The following BBS9 variants were observed in gnomAD, a reference collection of about 807,000 sequenced individuals.
BBS9 encodes the protein Bardet-Biedl syndrome 9.
BBS9 carries 89 observed loss-of-function variants against 117.7 expected under a neutral mutation model. The observed-to-expected ratio is 0.76, with a 90% CI of 0.64 to 0.90. The LOEUF is 0.90. BBS9 is among the 40% of genes least tolerant of loss of function. The probability of loss-of-function intolerance (pLI) is 0.00; values close to 1 mark genes in which losing one functional copy is unlikely to be tolerated. For missense variants in BBS9, 982 were observed against 1,042.2 expected, an observed-to-expected ratio of 0.94 and a Z score of 0.80; for synonymous variants, 379 against 370.9, an observed-to-expected ratio of 1.02 and a Z score of -0.25.
At chr7:33,239,850 T>C (rs1794178221) in intron 5 of BBS9, among the ~76,000 whole-genome samples, 1 of 151,872 alleles carries the variant, frequency 6.6e-6, no homozygotes, top group South Asian at 2.1e-4. Flanking sequence ...TAAAAAAATA[T>C]AAAAAATTAG....
intron 3 of BBS9, among the ~76,000 whole-genome samples, chr7:33,153,773 G>C (rs985838540): frequency 5.3e-5 from 8 of 152,148 alleles, no homozygotes; most frequent in Admixed American, 5.2e-4. Flanking sequence ...TATGAGATGA[G>C]ACTTTTATGC....
intron 5 of BBS9, among the ~76,000 whole-genome samples, chr7:33,193,420 GC>G (rs370331780): frequency 0.52 from 61,694 of 119,356 alleles, 15,632 homozygotes; most frequent in Admixed American, 0.6. Context: ...CCCTCTCTCT[GC>G]CTTTTTTTTT....
intron 21 of BBS9, among the ~76,000 whole-genome samples, chr7:33,591,584 T>C (rs1291426060): frequency 1.3e-5 from 2 of 152,068 alleles, no homozygotes; most frequent in Non-Finnish European, 2.9e-5. Context: ...TGGTGTTTGC[T>C]TCCTTCAAGG....
intron 5 of BBS9, among the ~76,000 whole-genome samples, chr7:33,207,192 G>C (rs544585076): frequency 1.1e-4 from 16 of 152,068 alleles, no homozygotes; most frequent in Non-Finnish European, 2.2e-4. Flanking sequence ...CAACTAATAA[G>C]GAAATGTAAA....
At chr7:33,219,203 G>A (rs1042786598) in intron 5 of BBS9, among the ~76,000 whole-genome samples, 1 of 152,228 alleles carries the variant, frequency 6.6e-6, no homozygotes, top group African/African-American at 2.4e-5. Flanking sequence ...GGCCTTAGCT[G>A]CCTTCCCGTG....
chr7:33,415,756 A>G (rs142212573), intron 19 of BBS9, among the ~76,000 whole-genome samples: 8 of 152,296 alleles, frequency 5.3e-5, no homozygotes, highest in African/African-American at 1.9e-4. Flanking sequence ...TAGGAACAGC[A>G]TAGGAATAAG....
At chr7:33,372,689 C>A (rs963134140) in intron 17 of BBS9, among the ~76,000 whole-genome samples, 1 of 152,066 alleles carries the variant, frequency 6.6e-6, no homozygotes, top group Non-Finnish European at 1.5e-5. Context: ...TGAAAGTATT[C>A]CATTCTCTTT....
intron 9 of BBS9, among the ~76,000 whole-genome samples, chr7:33,331,331 T>C (rs2128611169): frequency 6.6e-6 from 1 of 152,250 alleles, no homozygotes; most frequent in South Asian, 2.1e-4. Context: ...TGGGGAAAAG[T>C]TGAAATCATT....
intron 20 of BBS9, among the ~76,000 whole-genome samples, chr7:33,506,030 G>A (rs971677988): frequency 6.6e-6 from 1 of 152,152 alleles, no homozygotes; most frequent in Non-Finnish European, 1.5e-5. Context: ...TTAAATTTAA[G>A]TGTCACTTCA....
At chr7:33,446,416 G>T (rs999528020) in intron 19 of BBS9, among the ~76,000 whole-genome samples, 2 of 151,668 alleles carry the variant, frequency 1.3e-5, no homozygotes, top group Non-Finnish European at 2.9e-5. Flanking sequence ...TGTTAAATCT[G>T]TTTTTTTTGA....
At chr7:33,336,161 G>C (rs957195101) in intron 9 of BBS9, among the ~76,000 whole-genome samples, 11 of 152,292 alleles carry the variant, frequency 7.2e-5, no homozygotes, top group Non-Finnish European at 2.9e-5. Flanking sequence ...AATGCTCTTA[G>C]AGCAGGATTT....
chr7:33,388,284 G>GTT (rs1225513244), intron 19 of BBS9, 140 bp downstream of exon 19: 3 of 1,075,642 alleles, frequency 2.8e-6, no homozygotes, highest in Non-Finnish European at 4.0e-6. Context: ...AAGCTTTAGA[G>GTT]TCAGAAAAAC....
At chr7:33,591,861 C>T (rs1034749779) in intron 21 of BBS9, among the ~76,000 whole-genome samples, 6 of 149,986 alleles carry the variant, frequency 4.0e-5, no homozygotes, top group African/African-American at 9.8e-5. Flanking sequence ...CCCTGGCCGT[C>T]GTCGCCATCA....
At position 33,309,642 on chromosome 7, in the gene BBS9, G is replaced by A. The variant is rs183362364; in HGVS notation, c.1017-26799G>A. ...GAAAGAAAAGCTTGGTTTCCAGCCT[G>A]TTGAATGTATGGTGACCGAGGTACA... On this transcript the variant is annotated intron_variant, in intron 9 of 22. Transcript: ENST00000242067. 3.7e-3 allele frequency among the ~76,000 whole-genome samples: 559 copies of A among 152,290 alleles called. 1 individual carries two copies. Among genetic ancestry groups the A allele is most frequent in the Non-Finnish European group, 6.2e-3 (421 of 68,020 alleles).
intron 19 of BBS9, among the ~76,000 whole-genome samples, chr7:33,396,494 T>C (rs1827998804): frequency 6.6e-6 from 1 of 152,160 alleles, no homozygotes; most frequent in Admixed American, 6.6e-5. Flanking sequence ...TAGATGACTT[T>C]ACATTTTTAT....
intron 9 of BBS9, among the ~76,000 whole-genome samples, chr7:33,294,260 C>T (rs1477867011): frequency 2.6e-5 from 4 of 152,148 alleles, no homozygotes; most frequent in South Asian, 4.1e-4. Flanking sequence ...CACACACACA[C>T]TCACGCACAC....
intron 21 of BBS9, among the ~76,000 whole-genome samples, chr7:33,534,879 A>G (rs1232798155): frequency 1.3e-5 from 2 of 152,152 alleles, no homozygotes; most frequent in African/African-American, 2.4e-5. Flanking sequence ...CATTACATCA[A>G]TGAATTAATT....
intron 20 of BBS9, among the ~76,000 whole-genome samples, chr7:33,519,952 G>T (rs1848361166): frequency 6.6e-6 from 1 of 151,688 alleles, no homozygotes; most frequent in Admixed American, 6.6e-5. Context: ...TAGGGTAGTC[G>T]AGAGAATTAA....
intron 19 of BBS9, among the ~76,000 whole-genome samples, chr7:33,435,566 A>C (rs1201513260): frequency 1.5e-5 from 2 of 132,266 alleles, no homozygotes; most frequent in Non-Finnish European, 3.3e-5. Context: ...TAATGCCTTC[A>C]AAAATGTTTT....
Sources: allele counts gnomAD v4.1 joint callset (sites outside exome capture counted in the v4.1 genomes callset), GRCh38; gene constraint gnomAD v4.1.1; transcripts MANE v1.5; gene names NCBI Gene and HGNC (gene_info 2026-07-23, HGNC 2026-07-21).